The following ARHGEF3 variants were observed in gnomAD, a reference collection of about 807,000 sequenced individuals.
ARHGEF3 encodes the protein Rho guanine nucleotide exchange factor 3, also known as 59.8 kDA protein.
ARHGEF3 carries 28 observed loss-of-function variants against 63.2 expected under a neutral mutation model. That is an observed-to-expected ratio of 0.44 (90% CI 0.33 to 0.61). The LOEUF (loss-of-function observed/expected upper bound fraction) is 0.61. ARHGEF3 is among the 20% of genes least tolerant of loss of function. The pLI is 0.03. For synonymous variants in ARHGEF3, 266 were observed against 254.2 expected (o/e 1.05, Z -0.44); for missense variants, 533 against 659.3 (o/e 0.81, Z 2.10).
chr3:56,847,744 A>G (rs568432528), intron 4 of ARHGEF3, among the ~76,000 whole-genome samples: 2 of 152,146 alleles, frequency 1.3e-5, no homozygotes, highest in South Asian at 2.1e-4. Flanking sequence ...TGCCCAGCTA[A>G]TTTTTGTATT....
chr3:56,834,530 C>T (rs2039043981), intron 4 of ARHGEF3, among the ~76,000 whole-genome samples: 1 of 151,974 alleles, frequency 6.6e-6, no homozygotes, highest in South Asian at 2.1e-4. Flanking sequence ...TTTGGGAGGC[C>T]GAGGTGGGTG....
In ARHGEF3 at chr3:56,745,474, A is replaced by T. The variant is rs1266554848; in HGVS notation, c.613-12T>A. 12 of 1,611,314 alleles carry T rather than the reference A, an allele frequency of 7.4e-6. No homozygotes were observed. The highest frequency in any genetic ancestry group is 9.3e-6 in the Non-Finnish European group (11 of 1,178,654). On this transcript the variant is annotated splice_polypyrimidine_tract_variant and intron_variant, in intron 6 of 9. Coordinates refer to ENST00000296315, the MANE Select transcript of ARHGEF3 (RefSeq NM_019555.3). ...CTGAGGCAAGGGAGCTAAGAAGGAAACAGAAAGAGAAGGTTGGAATGTCAA... is the reference window on the plus strand; with the variant it reads ...CTGAGGCAAGGGAGCTAAGAAGGAATCAGAAAGAGAAGGTTGGAATGTCAA...
At chr3:56,874,504 T>C (rs1442379606) in intron 4 of ARHGEF3, among the ~76,000 whole-genome samples, 1 of 152,232 alleles carries the variant, frequency 6.6e-6, no homozygotes, top group African/African-American at 2.4e-5. Flanking sequence ...ATCTCGCTGC[T>C]ATTCCGTGCC....
chr3:56,754,863 C>A lies in ARHGEF3; in HGVS notation c.375+118G>T, dbSNP rs142628534. 1.1e-4 allele frequency: 149 copies of A among 1,361,838 alleles called. No homozygotes were observed. The African/African-American group carries it at 1.8e-3, about 17-fold the overall frequency. The allele number at this position is 1,361,838 out of a possible 1,614,324, so 84.4% of individuals were successfully genotyped here. On this transcript the variant is annotated intron_variant, in intron 3 of 9. Coordinates refer to ENST00000296315, the MANE Select transcript of ARHGEF3 (RefSeq NM_019555.3). ...CCAAGGTCAGACACTCTTGTTTATC[C>A]TTCTGCAAACGCAATGAAGAATTGA...
intron 4 of ARHGEF3, among the ~76,000 whole-genome samples, chr3:56,842,315 C>T (rs1429883282): frequency 6.6e-6 from 1 of 152,148 alleles, no homozygotes; most frequent in Non-Finnish European, 1.5e-5. Context: ...GTCCAGCTAG[C>T]AGATCTTTCT....
At chr3:57,007,521 G>A (rs1392104161) in intron 2 of ARHGEF3, among the ~76,000 whole-genome samples, 1 of 152,206 alleles carries the variant, frequency 6.6e-6, no homozygotes, top group Non-Finnish European at 1.5e-5. Flanking sequence ...GTTGCTCACA[G>A]GGGATGGATG....
At chr3:56,871,341 C>T (rs570869885) in intron 4 of ARHGEF3, among the ~76,000 whole-genome samples, 1 of 151,956 alleles carries the variant, frequency 6.6e-6, no homozygotes, top group Non-Finnish European at 1.5e-5. Flanking sequence ...ATTATTTTTT[C>T]AACAGTAGAA....
intron 8 of ARHGEF3, among the ~76,000 whole-genome samples, chr3:56,736,908 C>T (rs1043863756): frequency 5.3e-5 from 8 of 152,052 alleles, no homozygotes; most frequent in African/African-American, 1.7e-4. Flanking sequence ...CCCTGGCCAA[C>T]GTGGTGAAAC....
chr3:57,010,851 C>T (rs1466047595), intron 2 of ARHGEF3, among the ~76,000 whole-genome samples: 1 of 152,164 alleles, frequency 6.6e-6, no homozygotes, highest in Non-Finnish European at 1.5e-5. Context: ...CATTTGGACC[C>T]TTGTTCATCG....
At chr3:57,042,679 TATATATATA>T (rs1704253022) in intron 1 of ARHGEF3, among the ~76,000 whole-genome samples, 7 of 46,914 alleles carry the variant, frequency 1.5e-4, no homozygotes, top group African/African-American at 5.1e-4. Flanking sequence ...TATATATATA[TATATATATA>T]TATATATATA....
chr3:56,954,641 T>C (rs1246037273), intron 3 of ARHGEF3, among the ~76,000 whole-genome samples: 1 of 152,012 alleles, frequency 6.6e-6, no homozygotes, highest in Non-Finnish European at 1.5e-5. Context: ...CTCAGGAGGG[T>C]GGGAAAGTCC....
intron 4 of ARHGEF3, among the ~76,000 whole-genome samples, chr3:56,831,747 T>C (rs1002850456): frequency 6.6e-6 from 1 of 152,216 alleles, no homozygotes; most frequent in Non-Finnish European, 1.5e-5. Context: ...TCAGAAAACA[T>C]AATCAACATT....
Position 56,814,665 on chromosome 3 carries a change from C to CTT in ARHGEF3, c.193-40851_193-40850dup, listed in dbSNP as rs57448848. On this transcript the variant is annotated intron_variant, in intron 4 of 12. Coordinates refer to the ARHGEF3 transcript ENST00000338458. ...TCCGGTAAATAAATCATCCTTCTCC[C>CTT]TTTTTTTTTAAATGAATTAAGGAAA... Among the ~76,000 whole-genome samples the CTT allele has an allele frequency of 3.7e-3, 553 of 150,894 alleles. 2 individuals are homozygous for CTT. Among genetic ancestry groups the CTT allele is most frequent in the African/African-American group, 0.013 (518 of 41,198 alleles).
chr3:56,944,808 A>C (rs931786139), intron 3 of ARHGEF3, among the ~76,000 whole-genome samples: 1 of 151,848 alleles, frequency 6.6e-6, no homozygotes, highest in Non-Finnish European at 1.5e-5. Context: ...TGAACTCCTG[A>C]CCTCAAGTGA....
At chr3:56,837,024 A>AT (rs747830243) in intron 4 of ARHGEF3, among the ~76,000 whole-genome samples, 3 of 152,206 alleles carry the variant, frequency 2.0e-5, no homozygotes, top group Non-Finnish European at 4.4e-5. Context: ...CAGAAGACCC[A>AT]TTCTCCAAAT....
At chr3:57,063,456 G>A (rs1705344723) in intron 1 of ARHGEF3, among the ~76,000 whole-genome samples, 1 of 152,204 alleles carries the variant, frequency 6.6e-6, no homozygotes, top group Non-Finnish European at 1.5e-5. Context: ...TCAGGTGAGA[G>A]GGGAGAATGA....
At position 56,897,139 on chromosome 3, in the gene ARHGEF3, T is replaced by A. The variant is rs190337118; in HGVS notation, c.130-14785A>T. Reference sequence around the variant, plus strand: ...ACCATTTATTTATTATTTACATCCATGTTGGCTTATGGATTCCAATTTTAT... The same window carrying A: ...ACCATTTATTTATTATTTACATCCAAGTTGGCTTATGGATTCCAATTTTAT... On this transcript the variant is annotated intron_variant, in intron 3 of 12. Coordinates refer to the ARHGEF3 transcript ENST00000338458. Among the ~76,000 whole-genome samples, 13 of 152,338 alleles carry A rather than the reference T, an allele frequency of 8.5e-5. No homozygotes were observed. The South Asian group carries it at 2.1e-3, about 24-fold the overall frequency.
intron 3 of ARHGEF3, among the ~76,000 whole-genome samples, chr3:56,950,944 CA>C (rs1042927275): frequency 6.6e-6 from 1 of 152,002 alleles, no homozygotes; most frequent in African/African-American, 2.4e-5. Flanking sequence ...GAATACTATG[CA>C]GCCATAAAAA....
chr3:57,055,069 G>A (rs1005835676), intron 1 of ARHGEF3, among the ~76,000 whole-genome samples: 2 of 151,830 alleles, frequency 1.3e-5, no homozygotes, highest in Non-Finnish European at 1.5e-5. Flanking sequence ...TCTTTTCCCA[G>A]ACTGCAGCTT....
Sources: gnomAD v4.1 joint callset for allele counts (sites outside exome capture counted in the v4.1 genomes callset) on GRCh38, gnomAD v4.1.1 for gene constraint, MANE v1.5 for transcripts, NCBI Gene and HGNC (gene_info 2026-07-23, HGNC 2026-07-21) for gene names.